The following PIK3C2G variants were observed in gnomAD, a reference collection of about 807,000 sequenced individuals.
The protein encoded by PIK3C2G is phosphatidylinositol 3-kinase C2 domain-containing subunit gamma.
In PIK3C2G, 168 loss-of-function variants were observed where a neutral mutation model predicts 181.1. That is an observed-to-expected ratio of 0.93 (90% CI 0.82 to 1.05). The LOEUF (loss-of-function observed/expected upper bound fraction) is 1.05, where lower values mean the gene tolerates loss of function less well. Ranked by LOEUF, PIK3C2G falls within the 50% of genes least tolerant of loss-of-function variation. The pLI is 0.00. For synonymous variants in PIK3C2G, 573 were observed against 592.2 expected (o/e 0.97, Z 0.47); for missense variants, 1,869 against 1,732.8 (o/e 1.08, Z -1.40).
intron 31 of PIK3C2G, among the ~76,000 whole-genome samples, chr12:18,611,834 T>C (rs1378355726): frequency 4.6e-5 from 7 of 152,110 alleles, no homozygotes; most frequent in Non-Finnish European, 8.8e-5. Flanking sequence ...GCTTCCACTT[T>C]TGGTTGAAGT....
chr12:18,519,470 A>G lies in PIK3C2G; in HGVS notation c.3323+14009A>G, dbSNP rs556427661. ...GAATTGATCCATTTACCATTATGTA[A>G]TGCCCTTCTTTGTCTTTTTTGATCT... On this transcript the variant is annotated intron_variant, in intron 24 of 32. Coordinates refer to ENST00000538779, the MANE Select transcript of PIK3C2G (RefSeq NM_001288772.2). Among the ~76,000 whole-genome samples the G allele has an allele frequency of 7.9e-5, 12 of 152,256 alleles. No individual in the cohort carries two copies. The South Asian group carries it at 2.5e-3, about 32-fold the overall frequency.
intron 22 of PIK3C2G, among the ~76,000 whole-genome samples, chr12:18,498,168 C>T (rs1941165636): frequency 1.3e-5 from 2 of 152,082 alleles, no homozygotes; most frequent in Non-Finnish European, 2.9e-5. Flanking sequence ...CATTATAAAC[C>T]TTAATTTAAT....
chr12:18,562,890 A>C lies in PIK3C2G; in HGVS notation c.3778A>C (p.Asn1260His), dbSNP rs368585306. 3.1e-6 allele frequency: 5 copies of C among 1,588,042 alleles called. No homozygotes were observed. In the African/African-American group the frequency reaches 4.0e-5, roughly 13 times the overall value. ...TTTAGGGTTCAGCAAGAAATCCAGTAATGTAAGTTTAAAGTCCGTCATCTT... is the reference window on the plus strand; with the variant it reads ...TTTAGGGTTCAGCAAGAAATCCAGTCATGTAAGTTTAAAGTCCGTCATCTT... ...TILGFSKKSSNLYLIQVTHSN... is the reference protein window; with the variant it reads ...TILGFSKKSSHLYLIQVTHSN... Residue 1260 changes from asparagine (N) to histidine (H), a missense_variant and splice_region_variant, in exon 27 of 33, where the codon AAT (asparagine) becomes CAT (histidine). Transcript: ENST00000538779.
intron 31 of PIK3C2G, among the ~76,000 whole-genome samples, chr12:18,613,056 C>G (rs937205707): frequency 1.3e-5 from 2 of 152,020 alleles, no homozygotes; most frequent in African/African-American, 4.8e-5. Context: ...ATATAAAGAA[C>G]AGTTAGATTT....
rs1229278001 is a variant in PIK3C2G at position 18,488,454 on chromosome 12, T to TA, written c.2516dup (p.Asn839LysfsTer5). 13 of 1,509,790 alleles carry TA rather than the reference T, an allele frequency of 8.6e-6. No individual in the cohort carries two copies. Among genetic ancestry groups the TA allele is most frequent in the South Asian group, 6.6e-5 (5 of 76,240 alleles). The allele number at this position is 1,509,790 out of a possible 1,614,324, so 93.5% of individuals were successfully genotyped here. A position where few individuals can be genotyped will look rare whatever the true frequency, so the allele number is the denominator to read the frequency against. On this transcript the variant is annotated frameshift_variant, in exon 19 of 33. Coordinates refer to ENST00000538779, the MANE Select transcript of PIK3C2G (RefSeq NM_001288772.2). LOFTEE classifies it high-confidence loss of function. ...TTTCTCTCTCTTTCCTTCAGGCTGC[T>TA]AAAAAATGCAGAAAATGAAGCTTAT... is the stretch of plus-strand genomic sequence containing the variant.
the PIK3C2G span, among the ~76,000 whole-genome samples, chr12:18,706,037 G>T: frequency 6.6e-6 from 1 of 151,792 alleles, no homozygotes; most frequent in Non-Finnish European, 1.5e-5. Flanking sequence ...GACCAGGCTG[G>T]CCAACATGGC....
At chr12:18,387,716 C>T (rs1213129143) in intron 14 of PIK3C2G, among the ~76,000 whole-genome samples, 4 of 152,154 alleles carry the variant, frequency 2.6e-5, no homozygotes, top group Non-Finnish European at 5.9e-5. Flanking sequence ...TTTATCACTT[C>T]GTATTCCTTC....
intron 31 of PIK3C2G, among the ~76,000 whole-genome samples, chr12:18,611,462 G>T (rs1387432356): frequency 6.6e-6 from 1 of 151,948 alleles, no homozygotes; most frequent in African/African-American, 2.4e-5. Context: ...TCTACCTCAA[G>T]CCTCATGGCT....
At chr12:18,541,203 T>C (rs972367997) in intron 25 of PIK3C2G, among the ~76,000 whole-genome samples, 3 of 151,976 alleles carry the variant, frequency 2.0e-5, no homozygotes, top group African/African-American at 7.2e-5. Flanking sequence ...CCCAGGATTA[T>C]GGGCCACAGA....
intron 1 of PIK3C2G, among the ~76,000 whole-genome samples, chr12:18,255,241 A>AAATAAATC: frequency 6.7e-6 from 1 of 149,570 alleles, no homozygotes; most frequent in Non-Finnish European, 1.5e-5. Context: ...ATAAATAAAT[A>AAATAAATC]AATAAATAAA....
In PIK3C2G at chr12:18,363,233, A is replaced by C. The variant is rs193110661; in HGVS notation, c.1748+347A>C. The C allele has an allele frequency of 3.8e-5, 6 of 159,318 alleles. No homozygotes were observed. In the East Asian group the frequency reaches 1.1e-3, roughly 29 times the overall value. 9.9% of individuals were successfully genotyped at this position (159,318 alleles called of 1,614,324 possible). ...AGTCCAGGTGTAACAAAGAAAAGACAACCCTCCTGATAACGTGGGTAATCT... is the reference window on the plus strand; with the variant it reads ...AGTCCAGGTGTAACAAAGAAAAGACCACCCTCCTGATAACGTGGGTAATCT... On this transcript the variant is annotated intron_variant, in intron 12 of 32. Transcript: ENST00000538779.
chr12:18,251,786 G>T (rs1398648534), intron 1 of PIK3C2G, among the ~76,000 whole-genome samples: 1 of 151,968 alleles, frequency 6.6e-6, no homozygotes, highest in Admixed American at 6.6e-5. Context: ...ATAGAAATAT[G>T]CATACCACAG....
At chr12:18,527,221 T>C (rs1943285094) in intron 24 of PIK3C2G, among the ~76,000 whole-genome samples, 1 of 152,150 alleles carries the variant, frequency 6.6e-6, no homozygotes, top group Admixed American at 6.6e-5. Flanking sequence ...AAGGATCTCA[T>C]AGCGTTGACT....
intron 18 of PIK3C2G, among the ~76,000 whole-genome samples, chr12:18,433,270 T>G (rs1463402611): frequency 6.6e-6 from 1 of 152,084 alleles, no homozygotes; most frequent in Non-Finnish European, 1.5e-5. Flanking sequence ...ATCCCAGTAC[T>G]TTGGGAGGCC....
intron 29 of PIK3C2G, among the ~76,000 whole-genome samples, chr12:18,582,828 C>A (rs1405678778): frequency 6.6e-6 from 1 of 151,640 alleles, no homozygotes; most frequent in African/African-American, 2.4e-5. Context: ...TATGTGGGAC[C>A]CTGACCCCTC....
intron 8 of PIK3C2G, among the ~76,000 whole-genome samples, chr12:18,336,736 T>C (rs1352602551): frequency 2.0e-5 from 3 of 152,278 alleles, no homozygotes; most frequent in African/African-American, 7.2e-5. Context: ...TCAACTAAAT[T>C]GCATCTTTTT....
At chr12:18,525,308 C>T (rs1056970607) in intron 24 of PIK3C2G, among the ~76,000 whole-genome samples, 4 of 151,896 alleles carry the variant, frequency 2.6e-5, no homozygotes, top group Non-Finnish European at 2.9e-5. Context: ...AGGAGAATCG[C>T]GTGAACCCGG....
chr12:18,469,681 C>T (rs947133631), intron 18 of PIK3C2G, among the ~76,000 whole-genome samples: 1 of 151,804 alleles, frequency 6.6e-6, no homozygotes, highest in African/African-American at 2.4e-5. Flanking sequence ...CTTCTCTTCC[C>T]TCCACATTTG....
At position 18,562,773 on chromosome 12, in the gene PIK3C2G, T is replaced by C; in HGVS notation, c.3661T>C (p.Ser1221Pro). The C allele has an allele frequency of 6.2e-7, 1 of 1,608,030 alleles. No homozygotes were observed. Among genetic ancestry groups the C allele is most frequent in the Admixed American group, 1.7e-5 (1 of 59,354 alleles). The change falls in exon 27 of 33, where the codon TCA becomes CCA. Residue 1221 changes from serine to proline, a missense_variant. Transcript: ENST00000538779. ...CTTGATCCACACACTTGCACAAATG[T>C]CAGCCATAAGCCCTGCCAAATCTAC... The part of the protein sequence containing the change: ...NNLIHTLAQM[S>P]AISPAKSTSQ...
Sources: gnomAD v4.1 joint callset for allele counts (sites outside exome capture counted in the v4.1 genomes callset) on GRCh38, gnomAD v4.1.1 for gene constraint, MANE v1.5 for transcripts, NCBI Gene and HGNC (gene_info 2026-07-23, HGNC 2026-07-21) for gene names.